The following FRS2 variants were observed in gnomAD, a reference collection of about 807,000 sequenced individuals.
FRS2 encodes FGFR signalling adaptor.
FRS2 carries 8 observed loss-of-function variants against 43.9 expected under a neutral mutation model. The observed-to-expected ratio is 0.18, with a 90% CI of 0.11 to 0.33. The LOEUF (loss-of-function observed/expected upper bound fraction) is 0.33, where lower values mean the gene tolerates loss of function less well. Among genes scored for constraint, FRS2 ranks in the 10% least tolerant of loss-of-function variants. FRS2 has a pLI of 1.00. For synonymous variants in FRS2, 219 were observed against 220.3 expected, an observed-to-expected ratio of 0.99 and a Z score of 0.05; for missense variants, 534 against 627.6, an observed-to-expected ratio of 0.85 and a Z score of 1.59.
intron 1 of FRS2, among the ~76,000 whole-genome samples, chr12:69,478,490 C>T (rs760315428): frequency 2.6e-5 from 4 of 151,976 alleles, no homozygotes; most frequent in African/African-American, 7.3e-5. Context: ...GTTAGGAAGA[C>T]GAGAGAGAAG....
intron 1 of FRS2, among the ~76,000 whole-genome samples, chr12:69,513,458 T>C (rs565721453): frequency 6.6e-6 from 1 of 152,228 alleles, no homozygotes; most frequent in Admixed American, 6.5e-5. Flanking sequence ...TACTGATGAG[T>C]AATAAAATTA....
At chr12:69,479,294 G>A (rs1490713543) in intron 1 of FRS2, among the ~76,000 whole-genome samples, 3 of 148,452 alleles carry the variant, frequency 2.0e-5, no homozygotes, top group Admixed American at 2.0e-4. Flanking sequence ...TTTTTTCTTT[G>A]TTCATTATAG....
intron 8 of FRS2, 76 bp downstream of exon 8, chr12:69,572,357 T>C (rs1376481882): frequency 9.0e-7 from 1 of 1,107,074 alleles, no homozygotes; most frequent in Admixed American, 2.0e-5. Flanking sequence ...ACTGGAAGAT[T>C]TTATTCAGCT....
chr12:69,489,883 ATTGT>A (rs1872311127), intron 1 of FRS2, among the ~76,000 whole-genome samples: 1 of 150,210 alleles, frequency 6.7e-6, no homozygotes, highest in Non-Finnish European at 1.5e-5. Flanking sequence ...GAATATACTG[ATTGT>A]TTGATATGCC....
intron 1 of FRS2, among the ~76,000 whole-genome samples, chr12:69,482,075 G>A (rs1407485010): frequency 6.6e-6 from 1 of 150,766 alleles, no homozygotes; most frequent in Admixed American, 6.6e-5. Flanking sequence ...ATATATATGT[G>A]TATAATGTAT....
chr12:69,550,055 C>G (rs778943930), intron 3 of FRS2, among the ~76,000 whole-genome samples: 1 of 152,206 alleles, frequency 6.6e-6, no homozygotes, highest in Non-Finnish European at 1.5e-5. Flanking sequence ...ATCTCCACAC[C>G]TGTATTTCTA....
intron 3 of FRS2, among the ~76,000 whole-genome samples, chr12:69,550,309 C>A (rs894378781): frequency 1.3e-5 from 2 of 152,098 alleles, no homozygotes; most frequent in Admixed American, 1.3e-4. Flanking sequence ...TTTCCATCTT[C>A]ATTGTTTAGT....
At chr12:69,541,058 T>A (rs781687814) in intron 3 of FRS2, among the ~76,000 whole-genome samples, 2 of 152,190 alleles carry the variant, frequency 1.3e-5, no homozygotes, top group Non-Finnish European at 1.5e-5. Context: ...CTAAATGTAA[T>A]GAAGTTTGTT....
intron 1 of FRS2, among the ~76,000 whole-genome samples, chr12:69,472,862 G>T (rs972123822): frequency 2.0e-5 from 3 of 152,176 alleles, no homozygotes; most frequent in Non-Finnish European, 4.4e-5. Flanking sequence ...TAACATTGGC[G>T]ATGGGTGTTG....
chr12:69,522,188 CTTTGTGTGTG>C (rs1875727004), intron 1 of FRS2, among the ~76,000 whole-genome samples: 1 of 108,518 alleles, frequency 9.2e-6, no homozygotes, highest in Non-Finnish European at 1.9e-5. Flanking sequence ...CTGAAGTTTT[CTTTGTGTGTG>C]TGTGTGTGTG....
chr12:69,562,378 G>T (rs1055960885), intron 4 of FRS2, 104 bp downstream of exon 4: 8 of 388,998 alleles, frequency 2.1e-5, no homozygotes, highest in East Asian at 7.3e-5. Context: ...TTGCCCAGGC[G>T]GTTTCTAACT....
intron 3 of FRS2, among the ~76,000 whole-genome samples, chr12:69,557,619 T>TGTGTGTGTGTGTGTGTGTGTGC (rs1555192498): frequency 9.7e-4 from 116 of 119,012 alleles, no homozygotes; most frequent in East Asian, 3.2e-3. Flanking sequence ...TGTGTGTGTG[T>TGTGTGTGTGTGTGTGTGTGTGC]GCGCGCGCGC....
intron 1 of FRS2, among the ~76,000 whole-genome samples, chr12:69,517,591 C>T (rs928169712): frequency 6.6e-5 from 10 of 151,966 alleles, no homozygotes; most frequent in Non-Finnish European, 1.2e-4. Flanking sequence ...AGAGCCACAC[C>T]AAGGAAACAG....
chr12:69,561,304 A>G (rs1445305096), intron 3 of FRS2, among the ~76,000 whole-genome samples: 1 of 152,070 alleles, frequency 6.6e-6, no homozygotes, highest in Non-Finnish European at 1.5e-5. Flanking sequence ...ATTGAAGTTC[A>G]GAGTTGAAAT....
chr12:69,483,845 G>T (rs550639331), intron 1 of FRS2, among the ~76,000 whole-genome samples: 1 of 149,456 alleles, frequency 6.7e-6, no homozygotes, highest in African/African-American at 2.6e-5. Context: ...CTTGAAATGT[G>T]GTTAAATTGC....
intron 5 of FRS2, 140 bp downstream of exon 5, chr12:69,569,236 A>C: frequency 1.8e-6 from 1 of 550,490 alleles, no homozygotes; most frequent in Non-Finnish European, 3.2e-6. Context: ...TTCTTGATTT[A>C]ATAAATGATG....
intron 1 of FRS2, among the ~76,000 whole-genome samples, chr12:69,528,478 CTT>C (rs1876476838): frequency 6.6e-6 from 1 of 152,132 alleles, no homozygotes; most frequent in African/African-American, 2.4e-5. Context: ...TGATGGGACT[CTT>C]TTAATTCAAA....
intron 1 of FRS2, among the ~76,000 whole-genome samples, chr12:69,519,656 G>A (rs548076860): frequency 1.3e-5 from 2 of 152,134 alleles, no homozygotes; most frequent in African/African-American, 2.4e-5. Context: ...AGAACATGGG[G>A]TATTTGGTTT....
intron 1 of FRS2, among the ~76,000 whole-genome samples, chr12:69,528,072 T>G (rs973029540): frequency 3.9e-5 from 6 of 152,170 alleles, no homozygotes; most frequent in Non-Finnish European, 7.3e-5. Context: ...CAGAACTGTA[T>G]CTTTGTTTTG....
Sources: gnomAD v4.1 joint callset for allele counts (sites outside exome capture counted in the v4.1 genomes callset) on GRCh38, gnomAD v4.1.1 for gene constraint, MANE v1.5 for transcripts, NCBI Gene and HGNC (gene_info 2026-07-23, HGNC 2026-07-21) for gene names.